FBXL5: variants seen among roughly 807,000 people sequenced by gnomAD.
FBXL5 encodes F-box and leucine rich repeat protein 5, also known as F-box/LRR-repeat protein 5.
A neutral mutation model predicts 78.3 loss-of-function variants in FBXL5; 26 were observed. The observed-to-expected ratio is 0.33, with a 90% CI of 0.24 to 0.46. FBXL5 has a LOEUF of 0.46. Among genes scored for constraint, FBXL5 ranks in the 20% least tolerant of loss-of-function variants. The pLI, the probability that FBXL5 is intolerant of heterozygous loss-of-function variation, is 1.00. For missense variants in FBXL5, 710 were observed against 829.2 expected (o/e 0.86, Z 1.77); for synonymous variants, 295 against 282.5 (o/e 1.04, Z -0.45).
rs1712970129 is a variant in FBXL5 at position 15,625,675 on chromosome 4, G to T, written c.1427C>A (p.Ser476Tyr). The change falls in exon 9 of 11, where the codon TCT (serine) becomes TAT (tyrosine). Residue 476 changes from serine to tyrosine, a missense_variant. By Grantham distance (144) the Ser-to-Tyr change is moderately radical. This residue lies in a region of FBXL5 where 517 missense variants were observed against 542.9 expected (regional missense o/e 0.95). Coordinates refer to ENST00000341285, the MANE Select transcript of FBXL5 (RefSeq NM_012161.4). Reference protein sequence around the residue: ...TKPVSSENFTSPYVWMLDAED... With the variant: ...TKPVSSENFTYPYVWMLDAED... ...AGCATCTAACATCCACACATAAGGA[G>T]AAGTGAAATTCTCAGAAGAAACAGG... 4.3e-6 allele frequency: 7 copies of T among 1,614,088 alleles called. No individual in the cohort carries two copies. Among genetic ancestry groups the T allele is most frequent in the Non-Finnish European group, 5.9e-6 (7 of 1,180,040 alleles).
chr4:15,649,084 A>G (rs531118542), intron 1 of FBXL5, among the ~76,000 whole-genome samples: 1 of 152,328 alleles, frequency 6.6e-6, no homozygotes, highest in East Asian at 1.9e-4. Context: ...AATATTTTGT[A>G]CAACAGGTTG....
chr4:15,628,004 T>C lies in FBXL5; in HGVS notation c.922A>G (p.Ser308Gly). ...AAACGTTTTTCCATTTGTGCAATGC[T>C]GATAGCAATTGATTCCTCCGCAGAC... ...EESAEESIAISIAQMEKRLLH... is the reference protein window; with the variant it reads ...EESAEESIAIGIAQMEKRLLH... Residue 308 changes from serine to glycine, a missense_variant, in exon 7 of 11, where the codon AGC becomes GGC. By Grantham distance (56) the Ser-to-Gly change is moderately conservative (BLOSUM62 0). Transcript: ENST00000341285. 1.9e-6 allele frequency: 3 copies of C among 1,613,698 alleles called. No homozygotes were observed. Among genetic ancestry groups the C allele is most frequent in the Non-Finnish European group, 2.5e-6 (3 of 1,179,846 alleles).
At chr4:15,635,017 T>C (rs976077994) in intron 5 of FBXL5, among the ~76,000 whole-genome samples, 1 of 152,094 alleles carries the variant, frequency 6.6e-6, no homozygotes, top group Non-Finnish European at 1.5e-5. Flanking sequence ...TTCAAAAAAA[T>C]ATCTAACAGC....
At chr4:15,621,526 G>A (rs1052314425) in intron 9 of FBXL5, among the ~76,000 whole-genome samples, 1 of 152,072 alleles carries the variant, frequency 6.6e-6, no homozygotes, top group Admixed American at 6.5e-5. Flanking sequence ...ATCAACAGAT[G>A]GATAAACATA....
At position 15,625,260 on chromosome 4, in the gene FBXL5, A is replaced by T. The variant is rs756706970; in HGVS notation, c.1842T>A (p.His614Gln). ...SLSGCYQITDHGLRVLTLGGG... is the reference protein window; with the variant it reads ...SLSGCYQITDQGLRVLTLGGG... The stretch of plus-strand genomic sequence containing the variant: ...TGGAACTGATAACTCACCTGAGACC[A>T]TGGTCTGTGATCTGATAACATCCAG... The change falls in exon 9 of 11, where the codon CAT (histidine) becomes CAA (glutamine). Residue 614 changes from histidine to glutamine, a missense_variant. By Grantham distance (24) the His-to-Gln change is conservative (BLOSUM62 0). Transcript: ENST00000341285. 40 of 1,607,200 alleles carry T rather than the reference A, an allele frequency of 2.5e-5. No individual in the cohort carries two copies. The South Asian group carries it at 4.1e-4, about 17-fold the overall frequency.
intron 10 of FBXL5, among the ~76,000 whole-genome samples, chr4:15,611,643 CA>C: frequency 6.6e-6 from 1 of 152,152 alleles, no homozygotes; most frequent in African/African-American, 2.4e-5. Flanking sequence ...TTTAAAAGAA[CA>C]AAATCAAGAA....
intron 1 of FBXL5, among the ~76,000 whole-genome samples, chr4:15,654,249 T>C (rs570816568): frequency 2.0e-5 from 3 of 152,214 alleles, no homozygotes; most frequent in Non-Finnish European, 4.4e-5. Context: ...TTGAATGCTT[T>C]ATTTAGTTGG....
chr4:15,668,022 C>T (rs1411879516), intron 1 of FBXL5, among the ~76,000 whole-genome samples: 1 of 141,134 alleles, frequency 7.1e-6, no homozygotes, highest in Non-Finnish European at 1.5e-5. Flanking sequence ...GCCTGGGCAA[C>T]AAGAGCAAAA....
At chr4:15,665,023 T>A (rs545747874) in intron 1 of FBXL5, among the ~76,000 whole-genome samples, 1 of 152,296 alleles carries the variant, frequency 6.6e-6, no homozygotes, top group Admixed American at 6.5e-5. Context: ...AAAGGGCTTC[T>A]GAATTATCAG....
rs186515841 is a variant in FBXL5, at chr4:15,638,825, G to T, written c.397-131C>A. 140 of 581,480 alleles carry T rather than the reference G, an allele frequency of 2.4e-4. 4 individuals are homozygous for T. In the Admixed American group the frequency reaches 5.2e-3, roughly 21 times the overall value. 36.0% of individuals were successfully genotyped at this position (581,480 alleles called of 1,614,324 possible). A position where few individuals can be genotyped will look rare whatever the true frequency, so the allele number is the denominator to read the frequency against. The stretch of plus-strand genomic sequence containing the variant: ...TCTCAAAAAGATAAAAATTTTAGCT[G>T]TCACCACTGAGTTAGTTTATCTAAA... On this transcript the variant is annotated intron_variant, in intron 3 of 10. Coordinates refer to ENST00000341285, the MANE Select transcript of FBXL5 (RefSeq NM_012161.4).
chr4:15,653,621 TC>T (rs1488264621), intron 1 of FBXL5, among the ~76,000 whole-genome samples: 2 of 151,012 alleles, frequency 1.3e-5, no homozygotes, highest in Non-Finnish European at 3.0e-5. Flanking sequence ...AGTCTTCACT[TC>T]CACTTTCGAT....
At chr4:15,645,971 T>C (rs941741326) in intron 1 of FBXL5, among the ~76,000 whole-genome samples, 1 of 152,246 alleles carries the variant, frequency 6.6e-6, no homozygotes, top group African/African-American at 2.4e-5. Flanking sequence ...TTCTTGCCTT[T>C]ATGGAGTTTC....
rs1721815447 is a variant in FBXL5 at position 15,605,356 on chromosome 4, TA to T, written c.*366del. The T allele has an allele frequency of 6.2e-6, 1 of 161,626 alleles. No homozygotes were observed. The highest frequency in any genetic ancestry group is 2.4e-5 in the African/African-American group (1 of 42,082). The allele number at this position is 161,626 out of a possible 1,614,324, so 10.0% of individuals were successfully genotyped here. On this transcript the variant is annotated 3_prime_UTR_variant, in exon 11 of 11. Transcript: ENST00000341285. ...GTCGGAAAAGATCTGCAAAGCTTGG[TA>T]CAGTGTTAATGTGTAAAGAGAACCA...
At chr4:15,655,722 C>T (rs1247299744), upstream of FBXL5, among the ~76,000 whole-genome samples, 1 of 152,216 alleles carries the variant, frequency 6.6e-6, no homozygotes, top group Non-Finnish European at 1.5e-5. Flanking sequence ...GTCAGGGCCG[C>T]GAGCTCTGCT....
chr4:15,605,953 GAC>G (rs1310779865), intron 10 of FBXL5, among the ~76,000 whole-genome samples, 154 bp from the exon 11 acceptor site: 2 of 152,140 alleles, frequency 1.3e-5, no homozygotes, highest in Non-Finnish European at 1.5e-5. Context: ...AAATTATTCA[GAC>G]ACAAAACTCA....
At chr4:15,670,948 G>A (rs1471084565) in intron 1 of FBXL5, among the ~76,000 whole-genome samples, 1 of 113,094 alleles carries the variant, frequency 8.8e-6, no homozygotes, top group Non-Finnish European at 1.7e-5. Flanking sequence ...TTTTGAGATC[G>A]AGTCTCACTC....
At chr4:15,666,419 C>T (rs1717547712) in intron 1 of FBXL5, among the ~76,000 whole-genome samples, 1 of 151,906 alleles carries the variant, frequency 6.6e-6, no homozygotes, top group Non-Finnish European at 1.5e-5. Flanking sequence ...AATAAAGACA[C>T]ATACCACATG....
At chr4:15,613,849 T>G (rs1577422745) in intron 9 of FBXL5, among the ~76,000 whole-genome samples, 2 of 152,176 alleles carry the variant, frequency 1.3e-5, no homozygotes, top group Non-Finnish European at 1.5e-5. Flanking sequence ...ACTTTTGTTT[T>G]TTTTTTTATT....
intron 10 of FBXL5, among the ~76,000 whole-genome samples, chr4:15,607,909 C>T (rs1721991905): frequency 6.6e-6 from 1 of 152,142 alleles, no homozygotes; most frequent in African/African-American, 2.4e-5. Context: ...CAAACTGCAA[C>T]TCCCTCAAAT....
Sources: gnomAD v4.1 joint callset for allele counts (sites outside exome capture counted in the v4.1 genomes callset) on GRCh38, gnomAD v4.1.1 for gene constraint, gnomAD v4.1.1 regional missense constraint, MANE v1.5 for transcripts, NCBI Gene and HGNC (gene_info 2026-07-23, HGNC 2026-07-21) for gene names.